The following ADGRL2 variants were observed in gnomAD, a reference collection of about 807,000 sequenced individuals.
The protein encoded by ADGRL2 is calcium-independent alpha-latrotoxin receptor 2.
A neutral mutation model predicts 157.4 loss-of-function variants in ADGRL2; 44 were observed. The ratio of observed to expected loss-of-function variants is 0.28; its 90% CI spans 0.22 to 0.36. ADGRL2 has a LOEUF of 0.36. Among genes scored for constraint, ADGRL2 ranks in the 10% least tolerant of loss-of-function variants. The pLI, the probability that ADGRL2 is intolerant of heterozygous loss-of-function variation, is 1.00. For missense variants in ADGRL2, 1,510 were observed against 1,768.9 expected, an observed-to-expected ratio of 0.85 and a Z score of 2.63; for synonymous variants, 585 against 624.7, an observed-to-expected ratio of 0.94 and a Z score of 0.95.
chr1:81,975,537 A>T (rs1350567841), intron 17 of ADGRL2, among the ~76,000 whole-genome samples: 4 of 151,696 alleles, frequency 2.6e-5, no homozygotes. Context: ...GGGAAATACC[A>T]TGTTGGATGG....
intron 1 of ADGRL2, among the ~76,000 whole-genome samples, chr1:81,322,113 C>CATATATATATATATAT (rs1345847160): frequency 2.7e-5 from 3 of 112,068 alleles, no homozygotes; most frequent in African/African-American, 1.1e-4. Context: ...TATATATACA[C>CATATATATATATATAT]ATATATATAT....
In ADGRL2 at chr1:81,509,847, G is replaced by A. The variant is rs568885069; in HGVS notation, c.-248+64758G>A. On this transcript the variant is annotated intron_variant, in intron 2 of 24. Transcript: ENST00000370721. Reference sequence around the variant, plus strand: ...AACTTGTTCAGGCAGCAGCCACTCTGAATGGTATGTGAGGATTTAGTGAAA... The same window carrying A: ...AACTTGTTCAGGCAGCAGCCACTCTAAATGGTATGTGAGGATTTAGTGAAA... 5.7e-4 allele frequency among the ~76,000 whole-genome samples: 87 copies of A among 152,318 alleles called. 1 individual carries two copies. In the South Asian group the frequency reaches 0.017, roughly 29 times the overall value.
intron 2 of ADGRL2, among the ~76,000 whole-genome samples, chr1:81,794,547 A>C (rs1395282896): frequency 6.6e-6 from 1 of 152,124 alleles, no homozygotes. Flanking sequence ...TTTTCCCCAA[A>C]TTTTTCATTA....
At chr1:81,349,658 ACAC>A (rs772214444) in intron 1 of ADGRL2, among the ~76,000 whole-genome samples, 40 of 124,122 alleles carry the variant, frequency 3.2e-4, no homozygotes, top group Non-Finnish European at 5.3e-4. Flanking sequence ...ACACACACAC[ACAC>A]ACATCAGCAT....
At chr1:81,387,183 G>T (rs1431489614) in intron 1 of ADGRL2, among the ~76,000 whole-genome samples, 2 of 152,140 alleles carry the variant, frequency 1.3e-5, no homozygotes, top group Admixed American at 6.6e-5. Flanking sequence ...GTTATGTTAC[G>T]TGAAAACACT....
At chr1:81,902,464 G>C (rs1219560011) in intron 2 of ADGRL2, among the ~76,000 whole-genome samples, 1 of 152,078 alleles carries the variant, frequency 6.6e-6, no homozygotes, top group Non-Finnish European at 1.5e-5. Context: ...CGGTCATGGT[G>C]GTGCGCACCT....
At chr1:81,463,033 T>A (rs1428790727) in intron 2 of ADGRL2, among the ~76,000 whole-genome samples, 4 of 147,756 alleles carry the variant, frequency 2.7e-5, no homozygotes, top group Admixed American at 1.4e-4. Context: ...GAAGATTGCC[T>A]GAGCCTAGGA....
At chr1:81,941,278 A>C (rs2148926823) in intron 4 of ADGRL2, among the ~76,000 whole-genome samples, 1 of 151,624 alleles carries the variant, frequency 6.6e-6, no homozygotes, top group South Asian at 2.1e-4. Context: ...CTAACTAAGT[A>C]AATATACTAA....
chr1:81,479,476 G>A (rs1008113628), intron 2 of ADGRL2, among the ~76,000 whole-genome samples: 1 of 151,912 alleles, frequency 6.6e-6, no homozygotes, highest in African/African-American at 2.4e-5. Flanking sequence ...GTGAGACTCC[G>A]TCTGAAAAAT....
chr1:81,316,902 G>A (rs1021784341), intron 1 of ADGRL2, among the ~76,000 whole-genome samples: 16 of 152,152 alleles, frequency 1.1e-4, no homozygotes, highest in African/African-American at 2.2e-4. Context: ...CATCCACCCC[G>A]ATTTAGGGCA....
At position 81,663,236 on chromosome 1, in the gene ADGRL2, T is replaced by C. The variant is rs1336924776; in HGVS notation, c.-143+82256T>C. The stretch of plus-strand genomic sequence containing the variant: ...ACAAGCAGAGAGGAGACTAGGAGTC[T>C]TCACCGCACCCAAATAGATTTTCCT... On this transcript the variant is annotated intron_variant, in intron 3 of 24. Transcript: ENST00000370721. Among the ~76,000 whole-genome samples the C allele has an allele frequency of 2.0e-5, 3 of 152,158 alleles. No homozygotes were observed. The East Asian group carries it at 5.8e-4, about 30-fold the overall frequency.
chr1:81,907,323 C>T lies in ADGRL2; in HGVS notation c.287+93C>T, dbSNP rs539387318. 107 of 997,908 alleles carry T rather than the reference C, an allele frequency of 1.1e-4. 1 individual carries two copies. In the Admixed American group the frequency reaches 1.9e-3, roughly 18 times the overall value. 61.8% of individuals were successfully genotyped at this position (997,908 alleles called of 1,614,324 possible). A position where few individuals can be genotyped will look rare whatever the true frequency, so the allele number is the denominator to read the frequency against. ...TTCCAAAGCGAATGGATATAGACCA[C>T]ATCCCAGCCTATTTATTAAACTGAG... On this transcript the variant is annotated intron_variant, in intron 3 of 23. Transcript: ENST00000686636.
chr1:81,334,892 G>T (rs1661523496), intron 1 of ADGRL2, among the ~76,000 whole-genome samples: 2 of 152,160 alleles, frequency 1.3e-5, no homozygotes, highest in South Asian at 2.1e-4. Flanking sequence ...GCAGGGAAAA[G>T]TGTTTTCAGG....
At chr1:81,540,226 C>G (rs4650564) in intron 2 of ADGRL2, among the ~76,000 whole-genome samples, 1 of 152,008 alleles carries the variant, frequency 6.6e-6, no homozygotes, top group East Asian at 1.9e-4. Flanking sequence ...ATTTTGCAAT[C>G]TGTTCATTGT....
At chr1:81,336,191 T>G (rs935939273) in intron 1 of ADGRL2, among the ~76,000 whole-genome samples, 4 of 152,196 alleles carry the variant, frequency 2.6e-5, no homozygotes, top group Admixed American at 2.6e-4. Context: ...TTCACCTCCC[T>G]TCTTTGCCTG....
intron 2 of ADGRL2, among the ~76,000 whole-genome samples, chr1:81,775,130 G>A (rs1226832047): frequency 6.6e-6 from 1 of 152,100 alleles, no homozygotes; most frequent in Non-Finnish European, 1.5e-5. Context: ...GGAAAAGGAG[G>A]AGGTAATGTC....
chr1:81,634,112 A>C (rs1253022360), intron 3 of ADGRL2, among the ~76,000 whole-genome samples: 2 of 152,192 alleles, frequency 1.3e-5, no homozygotes, highest in Non-Finnish European at 2.9e-5. Flanking sequence ...AATCAAAAGA[A>C]AGTGGTATTC....
At chr1:81,399,358 A>G (rs1044973256) in intron 1 of ADGRL2, among the ~76,000 whole-genome samples, 2 of 152,212 alleles carry the variant, frequency 1.3e-5, no homozygotes, top group African/African-American at 2.4e-5. Flanking sequence ...TAATTTTATT[A>G]TATAGGTTTT....
intron 1 of ADGRL2, among the ~76,000 whole-genome samples, chr1:81,340,951 C>A (rs1483306373): frequency 6.6e-6 from 1 of 150,740 alleles, no homozygotes; most frequent in Non-Finnish European, 1.5e-5. Flanking sequence ...TTCTCTAAAA[C>A]AAGCCCATTT....
Sources: gnomAD v4.1 joint callset for allele counts (sites outside exome capture counted in the v4.1 genomes callset) on GRCh38, gnomAD v4.1.1 for gene constraint, MANE v1.5 for transcripts, NCBI Gene and HGNC (gene_info 2026-07-23, HGNC 2026-07-21) for gene names.